Variants in MARCHF1 observed in about 807,000 individuals in gnomAD.
The protein encoded by MARCHF1 is E3 ubiquitin-protein ligase MARCHF1.
MARCHF1 carries 40 observed loss-of-function variants against 54.2 expected under a neutral mutation model. That is an observed-to-expected ratio of 0.74 (90% CI 0.57 to 0.96). MARCHF1 has a LOEUF of 0.96. Among genes scored for constraint, MARCHF1 ranks in the 40% least tolerant of loss-of-function variants. The probability of loss-of-function intolerance (pLI) is 0.00; values close to 1 mark genes in which losing one functional copy is unlikely to be tolerated. For missense variants in MARCHF1, 586 were observed against 656.5 expected (o/e 0.89, Z 1.17); for synonymous variants, 236 against 236.3 (o/e 1.00, Z 0.01).
intron 1 of MARCHF1, among the ~76,000 whole-genome samples, chr4:164,143,954 C>T (rs1303919098): frequency 1.3e-5 from 2 of 151,972 alleles, no homozygotes; most frequent in Non-Finnish European, 2.9e-5. Context: ...CACACATAGG[C>T]TCAAAATAAA....
At chr4:164,016,426 A>G (rs1267825879) in intron 2 of MARCHF1, among the ~76,000 whole-genome samples, 1 of 152,166 alleles carries the variant, frequency 6.6e-6, no homozygotes, top group Non-Finnish European at 1.5e-5. Flanking sequence ...ATTGCAATAC[A>G]AGATGAGATT....
chr4:163,597,117 G>A (rs1354756239), intron 7 of MARCHF1, among the ~76,000 whole-genome samples: 3 of 152,020 alleles, frequency 2.0e-5, no homozygotes, highest in African/African-American at 4.8e-5. Context: ...TACCACGCCC[G>A]ACTAATTTTT....
At chr4:163,989,240 G>A (rs892648344) in intron 2 of MARCHF1, among the ~76,000 whole-genome samples, 1 of 151,782 alleles carries the variant, frequency 6.6e-6, no homozygotes, top group African/African-American at 2.4e-5. Flanking sequence ...TAGGTCAAAG[G>A]ATCTGCCCTG....
chr4:163,540,217 A>G (rs1185762738), intron 9 of MARCHF1, among the ~76,000 whole-genome samples: 1 of 151,854 alleles, frequency 6.6e-6, no homozygotes, highest in Non-Finnish European at 1.5e-5. Flanking sequence ...GAGCATGTCT[A>G]AAAGCTTTTT....
intron 5 of MARCHF1, among the ~76,000 whole-genome samples, chr4:163,625,320 C>T (rs1434377331): frequency 6.6e-6 from 1 of 152,150 alleles, no homozygotes; most frequent in Non-Finnish European, 1.5e-5. Flanking sequence ...TACTGTCTAA[C>T]CATTTCCAAA....
chr4:163,820,065 T>C (rs1748649120), intron 4 of MARCHF1, among the ~76,000 whole-genome samples: 1 of 152,124 alleles, frequency 6.6e-6, no homozygotes, highest in Admixed American at 6.6e-5. Flanking sequence ...CTTTCTTCCA[T>C]AGCCCAATTT....
rs748235731 is a variant in MARCHF1 at position 163,585,872 on chromosome 4, A to C, written c.1068T>G (p.Thr356=). 6.2e-7 allele frequency: 1 copy of C among 1,613,948 alleles called. No homozygotes were observed. Among genetic ancestry groups the C allele is most frequent in the Admixed American group, 1.7e-5 (1 of 59,978 alleles). The change falls in exon 8 of 10, where the codon ACT becomes ACG. Residue 356 remains threonine, a synonymous_variant. Coordinates refer to ENST00000514618, the MANE Select transcript of MARCHF1 (RefSeq NM_001394959.1). ...ACTGGTGGACAAAGCGCAGTGTCCC[A>C]GTGCAGCGACAGGGTGTGATGAGGG... ...ESPLITPCRC[T]GTLRFVHQSC...
rs183165222 is a variant in MARCHF1, at chr4:163,881,334, G to A, written c.-38-27165C>T. On this transcript the variant is annotated intron_variant, in intron 3 of 9. Coordinates refer to ENST00000514618, the MANE Select transcript of MARCHF1 (RefSeq NM_001394959.1). Reference sequence around the variant, plus strand: ...CACTAAAAGAACAAAAATTAGGCATGGTGGCAGGTGCCTGTAATCCCAGCT... The same window carrying A: ...CACTAAAAGAACAAAAATTAGGCATAGTGGCAGGTGCCTGTAATCCCAGCT... 2.5e-3 allele frequency among the ~76,000 whole-genome samples: 384 copies of A among 152,268 alleles called. 3 individuals are homozygous for A. Among genetic ancestry groups the A allele is most frequent in the African/African-American group, 8.9e-3 (370 of 41,558 alleles).
chr4:163,679,809 T>C (rs1222002930), intron 5 of MARCHF1, among the ~76,000 whole-genome samples: 5 of 151,652 alleles, frequency 3.3e-5, no homozygotes. Flanking sequence ...AGACGGGGTT[T>C]CACCGTGGTC....
intron 1 of MARCHF1, among the ~76,000 whole-genome samples, chr4:164,367,132 A>G (rs1336074939): frequency 2.6e-5 from 4 of 152,220 alleles, no homozygotes; most frequent in African/African-American, 9.6e-5. Flanking sequence ...CCATACAAGT[A>G]TAGTCATATT....
chr4:163,986,249 C>CCTTTTT (rs1752864138), intron 3 of MARCHF1, among the ~76,000 whole-genome samples: 2 of 28,830 alleles, frequency 6.9e-5, no homozygotes, highest in Non-Finnish European at 1.5e-4. Flanking sequence ...TTAACCTCTT[C>CCTTTTT]TTTTTTTTTT....
intron 3 of MARCHF1, among the ~76,000 whole-genome samples, chr4:163,895,064 A>T (rs896641521): frequency 4.7e-5 from 7 of 149,732 alleles, no homozygotes; most frequent in South Asian, 2.1e-4. Context: ...GTGATGCATA[A>T]ATATGCATGT....
rs142303874 is a variant in MARCHF1, at chr4:164,210,407, C to T, written c.-322-98745G>A. Among the ~76,000 whole-genome samples, 981 of 152,070 alleles carry T rather than the reference C, an allele frequency of 6.5e-3. 11 individuals carry two copies. Among genetic ancestry groups the T allele is most frequent in the African/African-American group, 0.023 (940 of 41,486 alleles). ...CAACTCGAATGAAAATTCAATTAAC[C>T]AACAGAGGGAAAATTAGAATATAAA... On this transcript the variant is annotated intron_variant, in intron 1 of 9. Transcript: ENST00000514618.
intron 1 of MARCHF1, among the ~76,000 whole-genome samples, chr4:164,253,863 C>G (rs72989526): frequency 0.36 from 54,996 of 151,904 alleles, 11,160 homozygotes; most frequent in East Asian, 0.63. Context: ...AAACAAATTA[C>G]AGAACACACA....
At chr4:163,618,038 C>A (rs1246952305) in intron 5 of MARCHF1, among the ~76,000 whole-genome samples, 1 of 152,186 alleles carries the variant, frequency 6.6e-6, no homozygotes. Context: ...TTTCTGTCCA[C>A]CATCACAGTG....
Position 163,714,679 on chromosome 4 carries a change from T to G in MARCHF1, c.112-13816A>C, listed in dbSNP as rs566793514. Among the ~76,000 whole-genome samples the G allele has an allele frequency of 4.7e-4, 71 of 152,250 alleles. 3 individuals carry two copies. The South Asian group carries it at 0.014, about 30-fold the overall frequency. On this transcript the variant is annotated intron_variant, in intron 4 of 9. Coordinates refer to ENST00000514618, the MANE Select transcript of MARCHF1 (RefSeq NM_001394959.1). The stretch of plus-strand genomic sequence containing the variant: ...TTAACATGCTATTTTATTTTTCTTT[T>G]TATTCTTTTATTTTTTTAAGACAGG...
At position 164,113,135 on chromosome 4, in the gene MARCHF1, A is replaced by G. The variant is rs1412116832; in HGVS notation, c.-322-1473T>C. Among the ~76,000 whole-genome samples, 3 of 151,856 alleles carry G rather than the reference A, an allele frequency of 2.0e-5. 1 individual carries two copies. The highest frequency in any genetic ancestry group is 2.0e-4 in the Admixed American group (3 of 15,200). On this transcript the variant is annotated intron_variant, in intron 1 of 9. Coordinates refer to ENST00000514618, the MANE Select transcript of MARCHF1 (RefSeq NM_001394959.1). ...CTTGGAACATTCTCTATTTCAATGGACTTTATTTTCACATATTATGTAGTT... is the reference window on the plus strand; with the variant it reads ...CTTGGAACATTCTCTATTTCAATGGGCTTTATTTTCACATATTATGTAGTT...
chr4:163,968,323 A>C (rs1752483067), intron 3 of MARCHF1, among the ~76,000 whole-genome samples: 1 of 152,180 alleles, frequency 6.6e-6, no homozygotes, highest in Admixed American at 6.6e-5. Flanking sequence ...CTCATGCTAC[A>C]TAGGCAGGGC....
At chr4:163,708,891 T>A (rs1047446644) in intron 4 of MARCHF1, among the ~76,000 whole-genome samples, 48 of 152,266 alleles carry the variant, frequency 3.2e-4, no homozygotes, top group Non-Finnish European at 2.1e-4. Flanking sequence ...AAATTATATA[T>A]GGGTATGATG....
Sources: allele counts gnomAD v4.1 joint callset (sites outside exome capture counted in the v4.1 genomes callset), GRCh38; gene constraint gnomAD v4.1.1; transcripts MANE v1.5; gene names NCBI Gene and HGNC (gene_info 2026-07-23, HGNC 2026-07-21).